Variants in PCDHGA3 observed in about 807,000 individuals in gnomAD.
PCDHGA3 encodes protocadherin gamma subfamily A, 3, also known as protocadherin gamma-A3.
A neutral mutation model predicts 58.5 loss-of-function variants in PCDHGA3; 40 were observed. The ratio of observed to expected loss-of-function variants is 0.68; its 90% CI spans 0.53 to 0.89. The LOEUF is 0.89. PCDHGA3 is among the 40% of genes least tolerant of loss of function. The probability of loss-of-function intolerance (pLI) is 0.00; values close to 1 mark genes in which losing one functional copy is unlikely to be tolerated. For missense variants in PCDHGA3, 1,223 were observed against 1,195.9 expected (o/e 1.02, Z -0.33); for synonymous variants, 530 against 525.7 (o/e 1.01, Z -0.11).
chr5:141,351,718 T>C (rs748339463), intron 1 of PCDHGA3: 1 of 1,613,828 alleles, frequency 6.2e-7, no homozygotes, highest in East Asian at 2.2e-5. Context: ...TCTCCTACTC[T>C]ATTCTGGCCA....
chr5:141,361,540 G>A, intron 1 of PCDHGA3: 1 of 1,614,018 alleles, frequency 6.2e-7, no homozygotes, highest in Admixed American at 1.7e-5. Context: ...TCCTCCTGGC[G>A]CCTCTATCGC....
At chr5:141,421,565 A>G (rs1373619696) in intron 1 of PCDHGA3, 1 of 1,613,952 alleles carries the variant, frequency 6.2e-7, no homozygotes, top group Admixed American at 1.7e-5. Context: ...CTCGTGGAAG[A>G]CACCTTGAAG....
At chr5:141,508,029 A>C (rs941166006) in intron 3 of PCDHGA3, 10 of 152,264 alleles carry the variant, frequency 6.6e-5, no homozygotes, top group African/African-American at 2.4e-4. Flanking sequence ...TGCGGTTTGC[A>C]GCTCAGCCAG....
chr5:141,411,859 C>CA (rs553337516), intron 1 of PCDHGA3: 8,585 of 145,752 alleles, frequency 0.059, 330 homozygotes, highest in Non-Finnish European at 0.088. Context: ...GACCCTGTCT[C>CA]AAAAAAAAAA....
chr5:141,477,253 G>A lies in PCDHGA3; in HGVS notation c.2425-17554G>A, dbSNP rs1303718568. The A allele has an allele frequency of 1.9e-6, 3 of 1,614,154 alleles. No individual in the cohort carries two copies. The highest frequency in any genetic ancestry group is 2.2e-5 in the South Asian group (2 of 91,070). Reference sequence around the variant, plus strand: ...TCGCTTTGCTCAGTGTGACTGACCTGGATGCTGGCGAGAACGGGCTGGTGA... The same window carrying A: ...TCGCTTTGCTCAGTGTGACTGACCTAGATGCTGGCGAGAACGGGCTGGTGA... On this transcript the variant is annotated intron_variant, in intron 1 of 3. Transcript: ENST00000253812. This position sits in a 1 kb window ranked among gnomAD's most constrained non-coding sequence, Gnocchi z 4.9.
At chr5:141,348,199 A>T (rs1758079809) in intron 1 of PCDHGA3, among the ~76,000 whole-genome samples, 1 of 152,264 alleles carries the variant, frequency 6.6e-6, no homozygotes, top group Admixed American at 6.5e-5. Flanking sequence ...AAAAGAATAG[A>T]TTCCTCCCTC....
chr5:141,406,257 C>T (rs1180988990), intron 1 of PCDHGA3, among the ~76,000 whole-genome samples: 1 of 151,898 alleles, frequency 6.6e-6, no homozygotes, highest in African/African-American at 2.4e-5. Context: ...TGGTCTCAAA[C>T]GATCTTCCTG....
intron 1 of PCDHGA3, chr5:141,356,142 C>G: frequency 6.2e-7 from 1 of 1,613,620 alleles, no homozygotes. Flanking sequence ...ACTCTGGATT[C>G]TATGACATAG....
chr5:141,386,043 T>A (rs1356183154), intron 1 of PCDHGA3: 7 of 152,254 alleles, frequency 4.6e-5, no homozygotes, highest in Admixed American at 1.3e-4. Context: ...GGCAATTACA[T>A]GTTTTAACAG....
Position 141,404,829 on chromosome 5 carries a change from T to C in PCDHGA3, c.2424+58372T>C. Reference sequence around the variant, plus strand: ...TCGGTGGGGCTGCACACAGGTGAAGTGCGCACAGCTCGGGCCCTGCTAGAT... The same window carrying C: ...TCGGTGGGGCTGCACACAGGTGAAGCGCGCACAGCTCGGGCCCTGCTAGAT... On this transcript the variant is annotated intron_variant, in intron 1 of 3. Transcript: ENST00000253812. 1.9e-6 allele frequency: 3 copies of C among 1,608,020 alleles called. No individual in the cohort carries two copies. The South Asian group carries it at 3.3e-5, about 18-fold the overall frequency.
intron 1 of PCDHGA3, chr5:141,478,822 T>C: frequency 4.2e-6 from 6 of 1,444,070 alleles, no homozygotes; most frequent in Non-Finnish European, 5.5e-6. Flanking sequence ...AACTAACCAA[T>C]CTTGCTAAGG....
At chr5:141,360,134 A>T (rs773035416) in intron 1 of PCDHGA3, 1 of 1,591,326 alleles carries the variant, frequency 6.3e-7, no homozygotes, top group Non-Finnish European at 8.6e-7. Flanking sequence ...GGGAGCCAGA[A>T]GATGAAAGCG....
intron 1 of PCDHGA3, chr5:141,398,797 G>C (rs1338071296): frequency 1.2e-6 from 2 of 1,613,898 alleles, no homozygotes; most frequent in Non-Finnish European, 1.7e-6. Flanking sequence ...ACCCCTAAGC[G>C]GCACCACTGA....
Position 141,477,143 on chromosome 5 carries a change from G to A in PCDHGA3, c.2425-17664G>A. Reference sequence around the variant, plus strand: ...ACATTGCAAAGTGTTGGTGGAGGTTGTGGATGTGAATGACAACGCCCCGGA... The same window carrying A: ...ACATTGCAAAGTGTTGGTGGAGGTTATGGATGTGAATGACAACGCCCCGGA... On this transcript the variant is annotated intron_variant, in intron 1 of 3. Transcript: ENST00000253812. This position sits in a 1 kb window ranked among gnomAD's most constrained non-coding sequence, Gnocchi z 4.9. 6.2e-7 allele frequency: 1 copy of A among 1,614,198 alleles called. No individual in the cohort carries two copies. Among genetic ancestry groups the A allele is most frequent in the Non-Finnish European group, 8.5e-7 (1 of 1,180,036 alleles).
intron 1 of PCDHGA3, chr5:141,374,849 C>T: frequency 6.2e-7 from 1 of 1,613,754 alleles, no homozygotes; most frequent in Non-Finnish European, 8.5e-7. Context: ...TGAAAACCTG[C>T]CAGTAGGCAC....
intron 1 of PCDHGA3, among the ~76,000 whole-genome samples, chr5:141,492,539 G>A (rs1474928199): frequency 1.3e-5 from 2 of 152,200 alleles, no homozygotes; most frequent in African/African-American, 2.4e-5. Context: ...GCCCCGGGCT[G>A]GGCCGGGTCG....
chr5:141,403,476 A>G lies in PCDHGA3; in HGVS notation c.2424+57019A>G, dbSNP rs1258805283. The G allele has an allele frequency of 5.6e-6, 9 of 1,613,972 alleles. No homozygotes were observed. In the Admixed American group the frequency reaches 8.3e-5, roughly 15 times the overall value. On this transcript the variant is annotated intron_variant, in intron 1 of 3. Coordinates refer to ENST00000253812, the MANE Select transcript of PCDHGA3 (RefSeq NM_018916.4). ...CTCCAGAGCTACCAGCTCAGCCCCA[A>G]TCACCACTTCTCCCTGAACGTGCAG...
intron 1 of PCDHGA3, among the ~76,000 whole-genome samples, chr5:141,459,334 A>G (rs987526492): frequency 5.9e-5 from 9 of 152,116 alleles, no homozygotes; most frequent in Admixed American, 1.3e-4. Flanking sequence ...TTTTACTCCA[A>G]AGTTCTTGAA....
intron 3 of PCDHGA3, among the ~76,000 whole-genome samples, chr5:141,510,048 G>GTGAT (rs1392197406): frequency 1.3e-5 from 2 of 152,192 alleles, no homozygotes; most frequent in Non-Finnish European, 2.9e-5. Context: ...GAGGTTAAAA[G>GTGAT]TGATTGTGCA....
Sources: allele counts gnomAD v4.1 joint callset (sites outside exome capture counted in the v4.1 genomes callset), GRCh38; gene constraint gnomAD v4.1.1; non-coding constraint Gnocchi (gnomAD v3.1); transcripts MANE v1.5; gene names NCBI Gene and HGNC (gene_info 2026-07-23, HGNC 2026-07-21).